Variants in RAP1GAP2 observed in about 807,000 individuals in gnomAD.
RAP1GAP2 encodes RAP1 GTPase activating protein 2, also known as rap1 GTPase-activating protein 2.
In RAP1GAP2, 27 loss-of-function variants were observed where a neutral mutation model predicts 95.0. That is an observed-to-expected ratio of 0.28 (90% CI 0.21 to 0.39). The LOEUF is 0.39. RAP1GAP2 is among the 10% of genes least tolerant of loss of function. The pLI is 1.00. For synonymous variants in RAP1GAP2, 373 were observed against 380.9 expected (o/e 0.98, Z 0.24); for missense variants, 771 against 970.0 (o/e 0.79, Z 2.72).
intron 3 of RAP1GAP2, among the ~76,000 whole-genome samples, chr17:2,914,636 G>A (rs1188002909): frequency 1.3e-5 from 2 of 151,544 alleles, no homozygotes; most frequent in African/African-American, 2.4e-5. Flanking sequence ...GACTACAGGC[G>A]CCCGCCACCA....
intron 4 of RAP1GAP2, 78 bp downstream of exon 4, chr17:2,957,872 C>T (rs140622542): frequency 4.4e-5 from 61 of 1,388,266 alleles, no homozygotes; most frequent in South Asian, 1.0e-4. Context: ...GCAGAACCCA[C>T]GGGCAGAAGC....
In RAP1GAP2 at chr17:2,816,982, CTTTTTTTT is replaced by C. The variant is rs148255771; in HGVS notation, c.80+16448_80+16455del. Among the ~76,000 whole-genome samples, 6 of 48,666 alleles carry C rather than the reference CTTTTTTTT, an allele frequency of 1.2e-4. 2 individuals are homozygous for C. Among genetic ancestry groups the C allele is most frequent in the East Asian group, 7.8e-4 (2 of 2,556 alleles). 31.9% of individuals were successfully genotyped at this position (48,666 alleles called of 152,430 possible). A position where few individuals can be genotyped will look rare whatever the true frequency, so the allele number is the denominator to read the frequency against. On this transcript the variant is annotated intron_variant, in intron 2 of 24. Transcript: ENST00000254695. Reference sequence around the variant, plus strand: ...ATGTTGTAGCGTGTGTCAGAATTTCCTTTTTTTTTTTTTTTTTTTTTTTGAGATGGGGT... The same window carrying C: ...ATGTTGTAGCGTGTGTCAGAATTTCCTTTTTTTTTTTTTTTGAGATGGGGT...
intron 8 of RAP1GAP2, among the ~76,000 whole-genome samples, chr17:2,967,204 T>C (rs1428002697): frequency 6.6e-6 from 1 of 151,836 alleles, no homozygotes; most frequent in East Asian, 1.9e-4. Context: ...CCGTCTCTAC[T>C]AAAAATACAA....
intron 2 of RAP1GAP2, among the ~76,000 whole-genome samples, chr17:2,893,007 CAT>C (rs2073770401): frequency 6.6e-6 from 1 of 151,818 alleles, no homozygotes; most frequent in Admixed American, 6.6e-5. Context: ...GTCTTTTCAT[CAT>C]ATTTCTTTTT....
chr17:2,936,472 T>C (rs1219499623), intron 3 of RAP1GAP2, among the ~76,000 whole-genome samples: 1 of 151,660 alleles, frequency 6.6e-6, no homozygotes, highest in Non-Finnish European at 1.5e-5. Context: ...GCACTCACCT[T>C]CTTCCTCCCT....
At chr17:2,783,304 G>C (rs913496178) in intron 1 of RAP1GAP2, among the ~76,000 whole-genome samples, 8 of 152,110 alleles carry the variant, frequency 5.3e-5, no homozygotes, top group African/African-American at 1.4e-4. Context: ...TCACCCTATT[G>C]TAAATACCTG....
In RAP1GAP2 at chr17:2,866,090, G is replaced by A. The variant is rs537047221; in HGVS notation, c.81-39194G>A. Among the ~76,000 whole-genome samples the A allele has an allele frequency of 2.0e-5, 3 of 152,382 alleles. No homozygotes were observed. Among genetic ancestry groups the A allele is most frequent in the Admixed American group, 6.5e-5 (1 of 15,310 alleles). ...GGAGCCCTGGAGGTCAGAAGAAAGG[G>A]GGACCGCCCAAGGAAGGCTGCCTGG... On this transcript the variant is annotated intron_variant, in intron 2 of 24. Coordinates refer to ENST00000254695, the MANE Select transcript of RAP1GAP2 (RefSeq NM_015085.5). The surrounding 1 kb of genome is among the most constrained non-coding windows in gnomAD (Gnocchi z 4.0).
chr17:2,797,589 C>T lies in RAP1GAP2; in HGVS notation c.44+1018C>T, dbSNP rs1185552860. 4.7e-6 allele frequency: 3 copies of T among 631,592 alleles called. No homozygotes were observed. In the Admixed American group the frequency reaches 1.9e-4, roughly 40 times the overall value. 39.1% of individuals were successfully genotyped at this position (631,592 alleles called of 1,614,324 possible). A position where few individuals can be genotyped will look rare whatever the true frequency, so the allele number is the denominator to read the frequency against. On this transcript the variant is annotated intron_variant, in intron 1 of 24. Coordinates refer to ENST00000254695, the MANE Select transcript of RAP1GAP2 (RefSeq NM_015085.5). This position sits in a 1 kb window ranked among gnomAD's most constrained non-coding sequence, Gnocchi z 5.6. ...GGCTGTGTTCCTCGGTAATTTTTCGCTTCCGTGTGTGTGGCTTATTTCCCT... is the reference window on the plus strand; with the variant it reads ...GGCTGTGTTCCTCGGTAATTTTTCGTTTCCGTGTGTGTGGCTTATTTCCCT...
chr17:2,981,949 T>A (rs1343446560), intron 10 of RAP1GAP2, among the ~76,000 whole-genome samples: 2 of 152,200 alleles, frequency 1.3e-5, no homozygotes, highest in Non-Finnish European at 2.9e-5. Context: ...CAGCAGGCTC[T>A]GGAGAGGGAC....
chr17:2,956,259 C>G (rs939564262), intron 3 of RAP1GAP2, among the ~76,000 whole-genome samples: 1 of 152,202 alleles, frequency 6.6e-6, no homozygotes, highest in African/African-American at 2.4e-5. Context: ...TAAGCCCACC[C>G]CTGTACATTC....
At chr17:2,933,205 A>T (rs2043210958) in intron 3 of RAP1GAP2, among the ~76,000 whole-genome samples, 1 of 152,192 alleles carries the variant, frequency 6.6e-6, no homozygotes, top group Non-Finnish European at 1.5e-5. Flanking sequence ...GTAGAGAGGA[A>T]CATTGTTGGG....
Position 2,855,211 on chromosome 17 carries a change from G to A in RAP1GAP2, c.81-50073G>A, listed in dbSNP as rs530505090. Among the ~76,000 whole-genome samples the A allele has an allele frequency of 7.2e-5, 11 of 152,114 alleles. No individual in the cohort carries two copies. The highest frequency in any genetic ancestry group is 1.3e-4 in the Non-Finnish European group (9 of 68,038). On this transcript the variant is annotated intron_variant, in intron 2 of 24. Coordinates refer to ENST00000254695, the MANE Select transcript of RAP1GAP2 (RefSeq NM_015085.5). This position sits in a 1 kb window ranked among gnomAD's most constrained non-coding sequence, Gnocchi z 4.3. Reference sequence around the variant, plus strand: ...TAATGTGTGTAACAAGATGTTGCCCGCTGCACAGAATGAATTTCCCGTGAA... The same window carrying A: ...TAATGTGTGTAACAAGATGTTGCCCACTGCACAGAATGAATTTCCCGTGAA...
chr17:2,832,447 A>G (rs1190516131), intron 2 of RAP1GAP2, among the ~76,000 whole-genome samples: 1 of 148,956 alleles, frequency 6.7e-6, no homozygotes, highest in South Asian at 2.2e-4. Context: ...AGTCCCAGCT[A>G]CTCGGGAGGC....
chr17:2,922,418 A>G (rs2042810051), intron 3 of RAP1GAP2, among the ~76,000 whole-genome samples: 1 of 152,170 alleles, frequency 6.6e-6, no homozygotes. Context: ...AGGTTCCTGG[A>G]TACAGACATA....
At chr17:2,879,564 A>C (rs916818377) in intron 2 of RAP1GAP2, among the ~76,000 whole-genome samples, 1 of 151,884 alleles carries the variant, frequency 6.6e-6, no homozygotes, top group Non-Finnish European at 1.5e-5. Flanking sequence ...CGTCTCTACT[A>C]AAAATACAAA....
chr17:2,976,062 A>G (rs924899545), intron 8 of RAP1GAP2, among the ~76,000 whole-genome samples: 3 of 152,226 alleles, frequency 2.0e-5, no homozygotes, highest in African/African-American at 4.8e-5. Context: ...CTTGTACTTA[A>G]TAACGTCGTC....
intron 1 of RAP1GAP2, among the ~76,000 whole-genome samples, chr17:2,783,882 G>A (rs2068712556): frequency 6.6e-6 from 1 of 152,226 alleles, no homozygotes; most frequent in African/African-American, 2.4e-5. Context: ...GTCTCCACAT[G>A]CTAGATTGGG....
intron 3 of RAP1GAP2, among the ~76,000 whole-genome samples, chr17:2,940,459 C>T (rs571166088): frequency 9.0e-4 from 137 of 152,340 alleles, no homozygotes; most frequent in African/African-American, 3.1e-3. Flanking sequence ...GTGGGAGTTG[C>T]CATGGCGAGA....
At position 2,788,459 on chromosome 17, in the gene RAP1GAP2, A is replaced by ATT. The variant is rs572181126; in HGVS notation, c.-14+11189_-14+11190dup. On this transcript the variant is annotated intron_variant, in intron 1 of 24. Transcript: ENST00000540393. ...TACAGGTGCCCGCCACCATGCCCAG[A>ATT]TTTTTTTTTGTATTTTTAGTAGAGA... Among the ~76,000 whole-genome samples, 15 of 151,182 alleles carry ATT rather than the reference A, an allele frequency of 9.9e-5. No homozygotes were observed. In the East Asian group the frequency reaches 1.8e-3, roughly 18 times the overall value.
Sources: gnomAD v4.1 joint callset for allele counts (sites outside exome capture counted in the v4.1 genomes callset) on GRCh38, gnomAD v4.1.1 for gene constraint, Gnocchi (gnomAD v3.1) non-coding constraint, MANE v1.5 for transcripts, NCBI Gene and HGNC (gene_info 2026-07-23, HGNC 2026-07-21) for gene names.